Variants in RNF17 observed in about 807,000 individuals in gnomAD.
RNF17 encodes the protein ring finger protein 17, also known as spermatogenesis associated 23.
A neutral mutation model predicts 200.5 loss-of-function variants in RNF17; 31 were observed. The ratio of observed to expected loss-of-function variants is 0.15; its 90% CI spans 0.12 to 0.21. RNF17 has a LOEUF of 0.21. Ranked by LOEUF, RNF17 falls within the 10% of genes least tolerant of loss-of-function variation. The probability of loss-of-function intolerance (pLI) is 1.00; values close to 1 mark genes in which losing one functional copy is unlikely to be tolerated. For missense variants in RNF17, 1,628 were observed against 1,905.1 expected (o/e 0.85, Z 2.71); for synonymous variants, 606 against 637.8 (o/e 0.95, Z 0.75).
intron 27 of RNF17, 141 bp from the exon 28 acceptor site, chr13:24,862,571 TG>T: frequency 1.7e-6 from 1 of 577,382 alleles, no homozygotes. Flanking sequence ...CATGTACCTA[TG>T]ATATTCTCTG....
At position 24,832,468 on chromosome 13, in the gene RNF17, C is replaced by T. The variant is rs747502004; in HGVS notation, c.2482+490C>T. The stretch of plus-strand genomic sequence containing the variant: ...AAAATAGAGTCTGACCACTAGCCCA[C>T]GATTTTGTAACATAACAAGTTCTGA... On this transcript the variant is annotated intron_variant, in intron 18 of 35. Transcript: ENST00000255324. 2.6e-5 allele frequency among the ~76,000 whole-genome samples: 4 copies of T among 152,112 alleles called. No individual in the cohort carries two copies. The East Asian group carries it at 5.8e-4, about 22-fold the overall frequency.
intron 25 of RNF17, among the ~76,000 whole-genome samples, chr13:24,856,475 A>G (rs927852585): frequency 1.3e-5 from 2 of 151,758 alleles, no homozygotes; most frequent in Admixed American, 1.3e-4. Context: ...CTATTTCATT[A>G]TATGATCTTG....
At chr13:24,751,548 C>CT in the RNF17 span, 1 of 151,732 alleles carries the variant, frequency 6.6e-6, no homozygotes, top group Non-Finnish European at 1.5e-5. Flanking sequence ...TATTTTTTTT[C>CT]TTTTTTATAT....
At chr13:24,820,330 C>T (rs1268273553) in intron 15 of RNF17, among the ~76,000 whole-genome samples, 2 of 152,062 alleles carry the variant, frequency 1.3e-5, no homozygotes, top group Non-Finnish European at 2.9e-5. Flanking sequence ...CCATGTTGGC[C>T]AGGCTGGTCT....
intron 32 of RNF17, among the ~76,000 whole-genome samples, chr13:24,871,757 C>T (rs903366690): frequency 4.6e-5 from 7 of 151,474 alleles, no homozygotes; most frequent in South Asian, 2.1e-4. Context: ...CTCAGCATCC[C>T]GAATAGCTGT....
the RNF17 span, chr13:24,885,585 T>A: frequency 6.4e-7 from 1 of 1,554,096 alleles, no homozygotes; most frequent in Non-Finnish European, 8.9e-7. Flanking sequence ...GTTTGAAGAA[T>A]ATATAAAAAC....
At chr13:24,885,154 C>T in the RNF17 span, 9 of 697,432 alleles carry the variant, frequency 1.3e-5, no homozygotes, top group East Asian at 2.7e-5. Context: ...AATCTCTGAA[C>T]GAGAAATGGC....
chr13:24,792,415 A>T (rs556818584), intron 9 of RNF17, among the ~76,000 whole-genome samples: 1 of 142,602 alleles, frequency 7.0e-6, no homozygotes, highest in Non-Finnish European at 1.5e-5. Context: ...GGTAATCTGT[A>T]AAAAAAAAAC....
intron 11 of RNF17, among the ~76,000 whole-genome samples, chr13:24,797,448 G>T (rs1884698408): frequency 6.6e-6 from 1 of 152,078 alleles, no homozygotes; most frequent in Admixed American, 6.6e-5. Flanking sequence ...TCCATTGAAA[G>T]AAAGAATAGT....
chr13:24,841,149 GAC>G (rs935398289), intron 18 of RNF17, among the ~76,000 whole-genome samples: 5 of 152,116 alleles, frequency 3.3e-5, no homozygotes, highest in African/African-American at 9.7e-5. Context: ...AGACACATGA[GAC>G]ACAAGCCTTA....
At chr13:24,883,690 T>C (rs1953930956), downstream of RNF17, among the ~76,000 whole-genome samples, 1 of 152,242 alleles carries the variant, frequency 6.6e-6, no homozygotes, top group African/African-American at 2.4e-5. Flanking sequence ...AGTGTTTGTT[T>C]GCTCTGTATC....
At chr13:24,869,372 CTATA>C in intron 31 of RNF17, among the ~76,000 whole-genome samples, 1 of 152,328 alleles carries the variant, frequency 6.6e-6, no homozygotes, top group East Asian at 1.9e-4. Flanking sequence ...ATGTTATGCT[CTATA>C]TAGTTGCTAA....
chr13:24,749,220 A>G, the RNF17 span, among the ~76,000 whole-genome samples: 1 of 152,114 alleles, frequency 6.6e-6, no homozygotes, highest in Non-Finnish European at 1.5e-5. Context: ...TCTCAGCAAT[A>G]TACAGGATTC....
upstream of RNF17, among the ~76,000 whole-genome samples, chr13:24,762,026 T>C (rs1229511377): frequency 6.6e-6 from 1 of 151,932 alleles, no homozygotes; most frequent in Non-Finnish European, 1.5e-5. Flanking sequence ...TGGAGAGAAA[T>C]GTGAAGGTTT....
At chr13:24,876,760 T>C (rs564032962) in intron 33 of RNF17, among the ~76,000 whole-genome samples, 2 of 152,346 alleles carry the variant, frequency 1.3e-5, no homozygotes, top group East Asian at 1.9e-4. Context: ...TCTCCCATTC[T>C]GTAGGTTGCC....
At chr13:24,881,835 TAGATATATAGATAC>T (rs1953833973), downstream of RNF17, among the ~76,000 whole-genome samples, 5 of 135,788 alleles carry the variant, frequency 3.7e-5, no homozygotes, top group African/African-American at 1.4e-4. Context: ...TACATCTATA[TAGATATATAGATAC>T]ATCTATATAG....
At chr13:24,869,393 A>G (rs1894005056) in intron 31 of RNF17, among the ~76,000 whole-genome samples, 1 of 152,238 alleles carries the variant, frequency 6.6e-6, no homozygotes, top group Admixed American at 6.5e-5. Context: ...CTAAACAACT[A>G]TTGCTGGTTT....
At chr13:24,849,225 T>G (rs1010095609) in intron 22 of RNF17, among the ~76,000 whole-genome samples, 4 of 152,226 alleles carry the variant, frequency 2.6e-5, no homozygotes, top group African/African-American at 9.6e-5. Flanking sequence ...ACTCTGGAAC[T>G]AGAAACCATA....
chr13:24,826,416 GT>G (rs1888645144), intron 16 of RNF17, among the ~76,000 whole-genome samples: 1 of 152,184 alleles, frequency 6.6e-6, no homozygotes, highest in Admixed American at 6.5e-5. Context: ...ACCATAGGCA[GT>G]TTAACCCATT....
Sources: gnomAD v4.1 joint callset for allele counts (sites outside exome capture counted in the v4.1 genomes callset) on GRCh38, gnomAD v4.1.1 for gene constraint, MANE v1.5 for transcripts, NCBI Gene and HGNC (gene_info 2026-07-23, HGNC 2026-07-21) for gene names.